KLF12: variants seen among roughly 807,000 people sequenced by gnomAD.
KLF12 encodes KLF transcription factor 12, also known as Krueppel-like factor 12.
Under a neutral mutation model 37.8 loss-of-function variants are expected in KLF12, and 9 were observed. The observed-to-expected ratio is 0.24, with a 90% CI of 0.14 to 0.42. The LOEUF (loss-of-function observed/expected upper bound fraction) is 0.42. Ranked by LOEUF, KLF12 falls within the 10% of genes least tolerant of loss-of-function variation. The probability of loss-of-function intolerance (pLI) is 1.00; values close to 1 mark genes in which losing one functional copy is unlikely to be tolerated. For synonymous variants in KLF12, 208 were observed against 202.1 expected (o/e 1.03, Z -0.25); for missense variants, 411 against 516.0 (o/e 0.80, Z 1.97).
the KLF12 span, among the ~76,000 whole-genome samples, chr13:74,155,085 C>A: frequency 6.6e-6 from 1 of 152,194 alleles, no homozygotes; most frequent in African/African-American, 2.4e-5. Context: ...CAGTGTACTT[C>A]ATATCACAGT....
intron 2 of KLF12, among the ~76,000 whole-genome samples, chr13:73,976,552 G>A (rs1051387867): frequency 4.6e-5 from 7 of 152,054 alleles, no homozygotes; most frequent in Non-Finnish European, 1.0e-4. Flanking sequence ...CCCTACTCCA[G>A]TTGTTTGCAA....
At chr13:74,153,129 C>CTT in the KLF12 span, among the ~76,000 whole-genome samples, 3 of 151,446 alleles carry the variant, frequency 2.0e-5, no homozygotes, top group African/African-American at 2.4e-5. Flanking sequence ...AGACAAAATG[C>CTT]TTTTTTTCTC....
chr13:74,021,239 A>G (rs1176364094), intron 1 of KLF12, among the ~76,000 whole-genome samples: 2 of 152,158 alleles, frequency 1.3e-5, no homozygotes, highest in African/African-American at 4.8e-5. Flanking sequence ...TGCTACTCAC[A>G]TCAGGAATGA....
At chr13:74,208,745 T>G in the KLF12 span, among the ~76,000 whole-genome samples, 32 of 152,016 alleles carry the variant, frequency 2.1e-4, no homozygotes, top group African/African-American at 7.5e-4. Flanking sequence ...GAGGCTAAGA[T>G]GGGAGGACTG....
At position 73,816,720 on chromosome 13, in the gene KLF12, G is replaced by A. The variant is rs536264706; in HGVS notation, c.671-3433C>T. Among the ~76,000 whole-genome samples the A allele has an allele frequency of 2.6e-5, 4 of 152,348 alleles. No homozygotes were observed. The East Asian group carries it at 7.7e-4, about 29-fold the overall frequency. ...ACTTGAAGTGACCAATGGGACATTA[G>A]CAAATGTGACACAAGTAGAGGCTTG... On this transcript the variant is annotated intron_variant, in intron 4 of 7. Transcript: ENST00000377669.
At chr13:73,785,511 G>A (rs965974905) in intron 5 of KLF12, among the ~76,000 whole-genome samples, 1 of 151,938 alleles carries the variant, frequency 6.6e-6, no homozygotes, top group Non-Finnish European at 1.5e-5. Flanking sequence ...TTTTAATTGT[G>A]CATTTCCAAC....
chr13:74,022,619 C>T (rs895259696), intron 1 of KLF12, among the ~76,000 whole-genome samples: 1 of 151,580 alleles, frequency 6.6e-6, no homozygotes, highest in South Asian at 2.1e-4. Flanking sequence ...GACAGGTTTT[C>T]CCACAGAACA....
chr13:74,147,031 G>T, the KLF12 span, among the ~76,000 whole-genome samples: 3,313 of 152,294 alleles, frequency 0.022, 132 homozygotes, highest in African/African-American at 0.073. Flanking sequence ...GTCAGGTTTG[G>T]ATTCATGGAT....
chr13:73,887,038 A>C (rs1887261523), intron 3 of KLF12, among the ~76,000 whole-genome samples: 1 of 151,874 alleles, frequency 6.6e-6, no homozygotes, highest in Non-Finnish European at 1.5e-5. Context: ...CTTTTTTAGC[A>C]TATCCAGCCA....
At chr13:74,269,140 C>T in the KLF12 span, among the ~76,000 whole-genome samples, 1 of 152,036 alleles carries the variant, frequency 6.6e-6, no homozygotes, top group South Asian at 2.1e-4. Context: ...TTTGGATTAC[C>T]CCAGAGATAA....
chr13:73,869,532 G>A (rs917772839), intron 3 of KLF12, among the ~76,000 whole-genome samples: 1 of 151,984 alleles, frequency 6.6e-6, no homozygotes, highest in Admixed American at 6.6e-5. Context: ...TTTCAAAATT[G>A]TAGACATATC....
At chr13:74,025,080 G>C (rs1304521566) in intron 1 of KLF12, among the ~76,000 whole-genome samples, 1 of 152,180 alleles carries the variant, frequency 6.6e-6, no homozygotes, top group Non-Finnish European at 1.5e-5. Flanking sequence ...ACATATGACA[G>C]AGTTTAAAGA....
chr13:73,826,409 G>C (rs1883846873), intron 4 of KLF12, among the ~76,000 whole-genome samples: 1 of 152,124 alleles, frequency 6.6e-6, no homozygotes, highest in Non-Finnish European at 1.5e-5. Context: ...ATAGGGTCTA[G>C]TACTTGCTCC....
At chr13:74,260,614 A>G in the KLF12 span, among the ~76,000 whole-genome samples, 2 of 114,410 alleles carry the variant, frequency 1.7e-5, no homozygotes, top group African/African-American at 1.1e-4. Flanking sequence ...AAAATAAAAT[A>G]AAATAAAATA....
intron 1 of KLF12, among the ~76,000 whole-genome samples, chr13:74,010,913 C>A (rs1055204270): frequency 6.6e-6 from 1 of 152,264 alleles, no homozygotes; most frequent in South Asian, 2.1e-4. Flanking sequence ...CTAAAACATA[C>A]AAAGGAACAG....
intron 1 of KLF12, among the ~76,000 whole-genome samples, chr13:74,102,839 A>T (rs1876437040): frequency 6.6e-6 from 1 of 152,230 alleles, no homozygotes; most frequent in African/African-American, 2.4e-5. Context: ...AAAAGACGTC[A>T]CCACTGACTG....
rs138309596 is a variant in KLF12, at chr13:73,874,341, C to T, written c.124-27968G>A. Among the ~76,000 whole-genome samples the T allele has an allele frequency of 1.8e-3, 268 of 152,254 alleles. 2 individuals are homozygous for T. The highest frequency in any genetic ancestry group is 6.2e-3 in the African/African-American group (258 of 41,554). ...TAGGGAAGGTGGTGGTGACACTTCC[C>T]CTGTGAAACATTTCATGCCTGTTCA... On this transcript the variant is annotated intron_variant, in intron 3 of 7. Transcript: ENST00000377669.
chr13:74,185,793 C>T, the KLF12 span, among the ~76,000 whole-genome samples: 1 of 152,074 alleles, frequency 6.6e-6, no homozygotes, highest in South Asian at 2.1e-4. Flanking sequence ...ATTACAGCCA[C>T]GTGCCAGCAC....
chr13:74,173,091 T>C, the KLF12 span, among the ~76,000 whole-genome samples: 1 of 152,132 alleles, frequency 6.6e-6, no homozygotes, highest in Non-Finnish European at 1.5e-5. Context: ...TACTAGCATA[T>C]CCAATAAAAA....
Sources: allele counts gnomAD v4.1 joint callset (sites outside exome capture counted in the v4.1 genomes callset), GRCh38; gene constraint gnomAD v4.1.1; transcripts MANE v1.5; gene names NCBI Gene and HGNC (gene_info 2026-07-23, HGNC 2026-07-21).